Variants in ITPR2 observed in about 807,000 individuals in gnomAD.
ITPR2 encodes the protein inositol 1,4,5-trisphosphate receptor type 2, also known as inositol 1,4,5-trisphosphate-gated calcium channel ITPR2.
A neutral mutation model predicts 317.1 loss-of-function variants in ITPR2; 207 were observed. The ratio of observed to expected loss-of-function variants is 0.65; its 90% CI spans 0.58 to 0.73. ITPR2 has a LOEUF of 0.73. ITPR2 is among the 30% of genes least tolerant of loss of function. ITPR2 has a pLI of 0.00. For missense variants in ITPR2, 2,613 were observed against 3,284.0 expected (o/e 0.80, Z 4.99); for synonymous variants, 1,156 against 1,149.1 (o/e 1.01, Z -0.12).
chr12:26,651,298 T>C (rs1591998639), intron 21 of ITPR2, among the ~76,000 whole-genome samples: 2 of 152,222 alleles, frequency 1.3e-5, no homozygotes, highest in South Asian at 2.1e-4. Context: ...CTTTGGATCA[T>C]TGTCATTCTC....
chr12:26,710,612 C>T (rs1948628495), intron 9 of ITPR2, among the ~76,000 whole-genome samples: 2 of 152,226 alleles, frequency 1.3e-5, no homozygotes, highest in South Asian at 4.1e-4. Context: ...GTTATTTCTA[C>T]CTATCCTTCA....
At chr12:26,710,375 T>C (rs1411972358) in intron 9 of ITPR2, among the ~76,000 whole-genome samples, 2 of 152,218 alleles carry the variant, frequency 1.3e-5, no homozygotes. Flanking sequence ...AATTGGAGTG[T>C]AGTGTGATTA....
At chr12:26,723,249 A>G (rs1396789383) in intron 4 of ITPR2, among the ~76,000 whole-genome samples, 3 of 152,176 alleles carry the variant, frequency 2.0e-5, no homozygotes, top group African/African-American at 7.2e-5. Context: ...TACTCACAAT[A>G]TAAGTAAGAA....
intron 37 of ITPR2, among the ~76,000 whole-genome samples, chr12:26,531,350 C>G (rs918496438): frequency 6.6e-6 from 1 of 152,204 alleles, no homozygotes; most frequent in African/African-American, 2.4e-5. Flanking sequence ...GTCTATAACT[C>G]ATTTTTAACC....
At chr12:26,612,626 C>A (rs11829368) in intron 26 of ITPR2, among the ~76,000 whole-genome samples, 13,076 of 152,196 alleles carry the variant, frequency 0.086, 589 homozygotes, top group Middle Eastern at 0.14. Flanking sequence ...GCTTCCCAAT[C>A]CACCCATTTG....
At chr12:26,369,186 T>C (rs569709646) in intron 55 of ITPR2, among the ~76,000 whole-genome samples, 2 of 152,284 alleles carry the variant, frequency 1.3e-5, no homozygotes, top group African/African-American at 4.8e-5. Flanking sequence ...CCAGAGCTTG[T>C]AGGACTGGAC....
chr12:26,585,240 T>A (rs1198586470), intron 32 of ITPR2, among the ~76,000 whole-genome samples: 1 of 152,180 alleles, frequency 6.6e-6, no homozygotes, highest in Non-Finnish European at 1.5e-5. Flanking sequence ...CCATTCTAGA[T>A]TATGTGTTTC....
intron 21 of ITPR2, among the ~76,000 whole-genome samples, chr12:26,642,282 C>T (rs1591990186): frequency 6.6e-6 from 1 of 152,096 alleles, no homozygotes; most frequent in East Asian, 1.9e-4. Context: ...TGAATGTGTC[C>T]CCCAAAGCTC....
At chr12:26,355,553 A>G (rs1938611517) in intron 55 of ITPR2, among the ~76,000 whole-genome samples, 1 of 152,220 alleles carries the variant, frequency 6.6e-6, no homozygotes, top group Non-Finnish European at 1.5e-5. Flanking sequence ...TGGTCACTCA[A>G]AAAATGCCTA....
chr12:26,612,034 A>G (rs1946280197), intron 26 of ITPR2, among the ~76,000 whole-genome samples: 1 of 152,206 alleles, frequency 6.6e-6, no homozygotes. Flanking sequence ...CGAGGGACGC[A>G]ATGGGCTTAA....
chr12:26,451,408 C>CACACACACACAT (rs1491354558), intron 45 of ITPR2, among the ~76,000 whole-genome samples: 18 of 143,676 alleles, frequency 1.3e-4, no homozygotes, highest in African/African-American at 4.5e-4. Flanking sequence ...CACACACACA[C>CACACACACACAT]GGAAAGTAAG....
At chr12:26,787,883 T>G (rs1421027623) in intron 2 of ITPR2, among the ~76,000 whole-genome samples, 2 of 150,402 alleles carry the variant, frequency 1.3e-5, no homozygotes, top group African/African-American at 4.9e-5. Flanking sequence ...ATATGTTTAA[T>G]AGAAATGCAT....
intron 37 of ITPR2, among the ~76,000 whole-genome samples, chr12:26,548,861 T>C (rs966655004): frequency 3.3e-5 from 5 of 152,206 alleles, no homozygotes; most frequent in African/African-American, 1.2e-4. Flanking sequence ...TAGAGTGGTT[T>C]GGGAGACACA....
chr12:26,713,974 C>G (rs1948694904), intron 8 of ITPR2, among the ~76,000 whole-genome samples: 1 of 152,178 alleles, frequency 6.6e-6, no homozygotes. Flanking sequence ...CAGAGCTTCT[C>G]AGTTCCATCA....
chr12:26,665,182 T>C lies in ITPR2; in HGVS notation c.1551+728A>G, dbSNP rs143269337. On this transcript the variant is annotated intron_variant, in intron 14 of 56. Coordinates refer to ENST00000381340, the MANE Select transcript of ITPR2 (RefSeq NM_002223.4). Reference sequence around the variant, plus strand: ...CTTTCAGGGAAGAAAACTAGAATATTGTACAGAGCACTCGTGAGCTGATGA... The same window carrying C: ...CTTTCAGGGAAGAAAACTAGAATATCGTACAGAGCACTCGTGAGCTGATGA... Among the ~76,000 whole-genome samples the C allele has an allele frequency of 6.1e-3, 930 of 152,318 alleles. 9 individuals carry two copies. Among genetic ancestry groups the C allele is most frequent in the Middle Eastern group, 0.02 (6 of 294 alleles).
intron 2 of ITPR2, among the ~76,000 whole-genome samples, chr12:26,736,690 T>C (rs1949123679): frequency 6.6e-6 from 1 of 152,174 alleles, no homozygotes; most frequent in African/African-American, 2.4e-5. Flanking sequence ...ATAAGTATAT[T>C]ATCACTCCAA....
intron 32 of ITPR2, among the ~76,000 whole-genome samples, chr12:26,585,545 C>T (rs1002061380): frequency 1.3e-5 from 2 of 152,118 alleles, no homozygotes; most frequent in South Asian, 4.2e-4. Context: ...GCAGGGACTA[C>T]AGGCGCATGC....
At chr12:26,687,891 G>A (rs1012012940) in intron 10 of ITPR2, among the ~76,000 whole-genome samples, 4 of 151,886 alleles carry the variant, frequency 2.6e-5, no homozygotes, top group African/African-American at 9.7e-5. Context: ...CTCCACAAAG[G>A]GTGACCCTCA....
Position 26,589,835 on chromosome 12 carries a change from T to TAC in ITPR2, c.4380+5629_4380+5630insGT, listed in dbSNP as rs1229578211. 3.3e-4 allele frequency among the ~76,000 whole-genome samples: 8 copies of TAC among 24,214 alleles called. 1 individual carries two copies. The highest frequency in any genetic ancestry group is 9.2e-4 in the African/African-American group (8 of 8,682). 15.9% of individuals were successfully genotyped at this position (24,214 alleles called of 152,430 possible). ...AAATAAATAAATAAATAAATAAACA[T>TAC]ATATATATATATATATATACACACA... On this transcript the variant is annotated intron_variant, in intron 32 of 56. Coordinates refer to ENST00000381340, the MANE Select transcript of ITPR2 (RefSeq NM_002223.4).
Sources: allele counts gnomAD v4.1 joint callset (sites outside exome capture counted in the v4.1 genomes callset), GRCh38; gene constraint gnomAD v4.1.1; transcripts MANE v1.5; gene names NCBI Gene and HGNC (gene_info 2026-07-23, HGNC 2026-07-21).